INTS6: variants seen among roughly 807,000 people sequenced by gnomAD.
The protein encoded by INTS6 is integrator complex subunit 6, also known as DEAD box protein.
In INTS6, 16 loss-of-function variants were observed where a neutral mutation model predicts 104.9. The observed-to-expected ratio is 0.15, with a 90% confidence interval of 0.10 to 0.23. The LOEUF is 0.23. Among genes scored for constraint, INTS6 ranks in the 10% least tolerant of loss-of-function variants. The probability of loss-of-function intolerance (pLI) is 1.00; values close to 1 mark genes in which losing one functional copy is unlikely to be tolerated. For synonymous variants in INTS6, 324 were observed against 358.7 expected, an observed-to-expected ratio of 0.90 and a Z score of 1.09; for missense variants, 584 against 1,062.8, an observed-to-expected ratio of 0.55 and a Z score of 6.26.
At chr13:51,359,383 G>C (rs917313391), downstream of INTS6, among the ~76,000 whole-genome samples, 4 of 152,092 alleles carry the variant, frequency 2.6e-5, no homozygotes, top group African/African-American at 9.7e-5. Flanking sequence ...ACTCTTACCA[G>C]AGATAAAATT....
intron 12 of INTS6, among the ~76,000 whole-genome samples, chr13:51,377,711 TGTA>T (rs1411768492): frequency 6.6e-6 from 1 of 152,146 alleles, no homozygotes; most frequent in African/African-American, 2.4e-5. Context: ...CATGGATCAC[TGTA>T]GTAAGTTTTA....
In INTS6 at chr13:51,452,977, G is replaced by A. The variant is rs1953098864; in HGVS notation, c.-452C>T. 9.9e-7 allele frequency: 1 copy of A among 1,011,798 alleles called. No individual in the cohort carries two copies. The highest frequency in any genetic ancestry group is 1.2e-6 in the Non-Finnish European group (1 of 845,806). 62.7% of individuals were successfully genotyped at this position (1,011,798 alleles called of 1,614,324 possible). On this transcript the variant is annotated 5_prime_UTR_variant, in exon 1 of 18. Coordinates refer to ENST00000311234, the MANE Select transcript of INTS6 (RefSeq NM_012141.3). This position sits in a 1 kb window ranked among gnomAD's most constrained non-coding sequence, Gnocchi z 4.2. ...CCTGGGGCTGTTGGGAGAAGTTTCA[G>A]GGACTCCCTCCGCACCCCGGCGGTG...
chr13:51,420,910 C>G lies in INTS6; in HGVS notation c.429+9384G>C, dbSNP rs148520661. 7.2e-5 allele frequency among the ~76,000 whole-genome samples: 11 copies of G among 152,284 alleles called. No individual in the cohort carries two copies. In the East Asian group the frequency reaches 2.1e-3, roughly 29 times the overall value. ...GCCCCAGGAAATACCGAGTTCCTCA[C>G]TTACAGATCTTAAGCTTAGCAAGGT... is the stretch of plus-strand genomic sequence containing the variant. On this transcript the variant is annotated intron_variant, in intron 4 of 17. Coordinates refer to ENST00000311234, the MANE Select transcript of INTS6 (RefSeq NM_012141.3).
chr13:51,421,168 G>T (rs1593741656), intron 4 of INTS6: 4 of 985,762 alleles, frequency 4.1e-6, no homozygotes, highest in Non-Finnish European at 4.8e-6. Flanking sequence ...TTTGAGGAAG[G>T]CTAGCCATTA....
the INTS6 span, among the ~76,000 whole-genome samples, chr13:51,337,896 A>G: frequency 6.6e-6 from 1 of 152,202 alleles, no homozygotes; most frequent in South Asian, 2.1e-4. Flanking sequence ...AAACATGATA[A>G]TCTCTGCTTA....
At chr13:51,405,858 C>CTTAAGAAATAATA (rs1956553197) in intron 4 of INTS6, among the ~76,000 whole-genome samples, 3 of 152,108 alleles carry the variant, frequency 2.0e-5, no homozygotes, top group African/African-American at 7.2e-5. Context: ...CTCACAAATT[C>CTTAAGAAATAATA]TTAAGAAATA....
downstream of INTS6, among the ~76,000 whole-genome samples, chr13:51,349,533 G>A (rs1008410355): frequency 1.3e-5 from 2 of 152,198 alleles, no homozygotes; most frequent in Non-Finnish European, 2.9e-5. Flanking sequence ...GCAGCGTTCC[G>A]TGTCAAAAGT....
intron 3 of INTS6, 154 bp downstream of exon 3, chr13:51,450,871 T>C (rs1953028248): frequency 1.1e-5 from 14 of 1,261,212 alleles, no homozygotes; most frequent in Middle Eastern, 3.1e-4. Flanking sequence ...ATATATATAG[T>C]AGGGTAAGAG....
intron 4 of INTS6, among the ~76,000 whole-genome samples, chr13:51,418,300 TAAGATTA>T (rs1274378298): frequency 2.0e-5 from 3 of 152,124 alleles, no homozygotes; most frequent in Non-Finnish European, 4.4e-5. Context: ...CTATAACTGT[TAAGATTA>T]TGAGGAAACA....
intron 4 of INTS6, among the ~76,000 whole-genome samples, chr13:51,408,194 A>G (rs2138020893): frequency 6.8e-6 from 1 of 147,248 alleles, no homozygotes. Context: ...CCCAGGCTGG[A>G]GTGCAGTGGT....
intron 5 of INTS6, among the ~76,000 whole-genome samples, chr13:51,390,255 T>C (rs754801580): frequency 1.3e-5 from 2 of 152,042 alleles, no homozygotes; most frequent in South Asian, 4.1e-4. Flanking sequence ...TTGAAATGTA[T>C]AGTAAGTAAA....
chr13:51,367,140 A>G (rs1955708105), intron 17 of INTS6, among the ~76,000 whole-genome samples: 1 of 151,956 alleles, frequency 6.6e-6, no homozygotes, highest in Non-Finnish European at 1.5e-5. Flanking sequence ...ACATTCTCCC[A>G]TATGCTCTAA....
intron 4 of INTS6, among the ~76,000 whole-genome samples, chr13:51,424,044 C>T (rs912074132): frequency 6.6e-6 from 1 of 151,978 alleles, no homozygotes; most frequent in African/African-American, 2.4e-5. Flanking sequence ...AGCCTGCAGC[C>T]ATTTCAAAGC....
intron 17 of INTS6, 112 bp downstream of exon 17, chr13:51,367,693 C>A: frequency 1.7e-6 from 1 of 595,772 alleles, no homozygotes. Flanking sequence ...TGTTGGTATG[C>A]CATATACATT....
At chr13:51,427,441 A>G (rs1957004328) in intron 4 of INTS6, among the ~76,000 whole-genome samples, 1 of 152,204 alleles carries the variant, frequency 6.6e-6, no homozygotes, top group South Asian at 2.1e-4. Flanking sequence ...AAGCATCTTT[A>G]TGCTTTTCTA....
intron 4 of INTS6, among the ~76,000 whole-genome samples, chr13:51,429,763 C>CAAAAAAAAAAAAAA (rs35873020): frequency 7.4e-5 from 2 of 27,086 alleles, no homozygotes; most frequent in African/African-American, 3.2e-4. Context: ...GACTCTGTCT[C>CAAAAAAAAAAAAAA]AAAAAAAAAA....
chr13:51,381,996 CG>C (rs1956060387), intron 10 of INTS6, 32 bp downstream of exon 10: 3 of 1,480,124 alleles, frequency 2.0e-6, no homozygotes, highest in Non-Finnish European at 2.8e-6. Flanking sequence ...TCACTGCGCC[CG>C]GCCAACAAGT....
chr13:51,392,889 ATTACC>A (rs1430592604), intron 5 of INTS6, among the ~76,000 whole-genome samples: 1 of 152,128 alleles, frequency 6.6e-6, no homozygotes, highest in Non-Finnish European at 1.5e-5. Context: ...GCACTCATTA[ATTACC>A]TGATATCAAA....
At chr13:51,408,107 A>G (rs1407145227) in intron 4 of INTS6, among the ~76,000 whole-genome samples, 2 of 151,534 alleles carry the variant, frequency 1.3e-5, no homozygotes, top group African/African-American at 4.8e-5. Context: ...TTCAGAATCT[A>G]CCATAAAACA....
Sources: allele counts gnomAD v4.1 joint callset (sites outside exome capture counted in the v4.1 genomes callset), GRCh38; gene constraint gnomAD v4.1.1; non-coding constraint Gnocchi (gnomAD v3.1); transcripts MANE v1.5; gene names NCBI Gene and HGNC (gene_info 2026-07-23, HGNC 2026-07-21).